The following MARCHF1 variants were observed in gnomAD, a reference collection of about 807,000 sequenced individuals.
The protein encoded by MARCHF1 is E3 ubiquitin-protein ligase MARCHF1.
MARCHF1 carries 40 observed loss-of-function variants against 54.2 expected under a neutral mutation model. The ratio of observed to expected loss-of-function variants is 0.74; its 90% CI spans 0.57 to 0.96. The LOEUF (loss-of-function observed/expected upper bound fraction) is 0.96, where lower values mean the gene tolerates loss of function less well. MARCHF1 is among the 40% of genes least tolerant of loss of function. The pLI, the probability that MARCHF1 is intolerant of heterozygous loss-of-function variation, is 0.00. For missense variants in MARCHF1, 586 were observed against 656.5 expected (o/e 0.89, Z 1.17); for synonymous variants, 236 against 236.3 (o/e 1.00, Z 0.01).
intron 5 of MARCHF1, among the ~76,000 whole-genome samples, chr4:163,667,330 C>G (rs1289079019): frequency 6.6e-6 from 1 of 152,046 alleles, no homozygotes; most frequent in Non-Finnish European, 1.5e-5. Context: ...GTGAAAAGCA[C>G]CACATTTTTA....
rs116334157 is a variant in MARCHF1, at chr4:163,776,776, T to A, written c.112-75913A>T. 7.3e-3 allele frequency among the ~76,000 whole-genome samples: 1,105 copies of A among 152,286 alleles called. 8 individuals carry two copies. The highest frequency in any genetic ancestry group is 0.03 in the South Asian group (147 of 4,824). On this transcript the variant is annotated intron_variant, in intron 4 of 9. Transcript: ENST00000514618. ...ATAAGCAAGACAATATATGAAAGTATCTTGTAAGTATTATCACTGCTGTAG... is the reference window on the plus strand; with the variant it reads ...ATAAGCAAGACAATATATGAAAGTAACTTGTAAGTATTATCACTGCTGTAG...
chr4:163,913,652 G>A (rs192743440), intron 3 of MARCHF1, among the ~76,000 whole-genome samples: 1 of 152,252 alleles, frequency 6.6e-6, no homozygotes, highest in Admixed American at 6.6e-5. Context: ...CGTGTAAAGA[G>A]GAAGATAACT....
chr4:163,568,368 A>C (rs946550539), intron 8 of MARCHF1, among the ~76,000 whole-genome samples: 1 of 152,134 alleles, frequency 6.6e-6, no homozygotes, highest in Non-Finnish European at 1.5e-5. Context: ...ATTGAAATCA[A>C]CTTAAGCTGG....
intron 4 of MARCHF1, among the ~76,000 whole-genome samples, chr4:163,817,526 TACTAC>T (rs1748574831): frequency 6.6e-6 from 1 of 151,704 alleles, no homozygotes; most frequent in South Asian, 2.1e-4. Context: ...GTACAATTGT[TACTAC>T]ACTATGTTTC....
chr4:163,598,631 A>T (rs1257110682), intron 7 of MARCHF1, among the ~76,000 whole-genome samples: 1 of 152,228 alleles, frequency 6.6e-6, no homozygotes, highest in Admixed American at 6.5e-5. Context: ...TACAGTAATG[A>T]TATGTCTAAA....
chr4:164,340,917 A>AG lies in MARCHF1; in HGVS notation c.-323+42952_-323+42953insC, dbSNP rs1491437583. ...TACCAAAGACAGCTGAGGGCACTAC[A>AG]AAAAAAAAAAAAAAAAAGTTACAGG... On this transcript the variant is annotated intron_variant, in intron 1 of 9. Transcript: ENST00000514618. 1.6e-4 allele frequency among the ~76,000 whole-genome samples: 9 copies of AG among 57,974 alleles called. 1 individual carries two copies. Among genetic ancestry groups the AG allele is most frequent in the Admixed American group, 1.2e-3 (5 of 4,258 alleles). The allele number at this position is 57,974 out of a possible 152,430, so 38.0% of individuals were successfully genotyped here.
In MARCHF1 at chr4:164,312,224, G is replaced by C. The variant is rs558646845; in HGVS notation, c.-323+71646C>G. 4.6e-4 allele frequency among the ~76,000 whole-genome samples: 70 copies of C among 152,010 alleles called. 1 individual carries two copies. The South Asian group carries it at 8.9e-3, about 19-fold the overall frequency. On this transcript the variant is annotated intron_variant, in intron 1 of 9. Coordinates refer to ENST00000514618, the MANE Select transcript of MARCHF1 (RefSeq NM_001394959.1). ...CCCAGAAGCTTCATGACAATGAATA[G>C]GTCACATTTGGGATGTTTTGCTAGA...
In MARCHF1 at chr4:164,361,061, C is replaced by T. The variant is rs1730709514; in HGVS notation, c.-323+22809G>A. 3.3e-5 allele frequency among the ~76,000 whole-genome samples: 5 copies of T among 151,754 alleles called. No homozygotes were observed. In the South Asian group the frequency reaches 8.4e-4, roughly 25 times the overall value. On this transcript the variant is annotated intron_variant, in intron 1 of 9. Transcript: ENST00000514618. ...GGTCTAGGGTCATTATGGTACAGTG[C>T]TGTGTATCATAACACTGGTCTTGAT... is the stretch of plus-strand genomic sequence containing the variant.
chr4:164,091,037 C>T (rs1296281377), intron 2 of MARCHF1, among the ~76,000 whole-genome samples: 3 of 152,048 alleles, frequency 2.0e-5, no homozygotes, highest in African/African-American at 7.2e-5. Flanking sequence ...CCTCAATCTG[C>T]ACTTGTTCTG....
chr4:164,026,085 A>G (rs1250914022), intron 2 of MARCHF1, among the ~76,000 whole-genome samples: 1 of 151,976 alleles, frequency 6.6e-6, no homozygotes, highest in Non-Finnish European at 1.5e-5. Context: ...AATAAAAAGA[A>G]ACCTGATAAC....
chr4:163,905,222 G>A (rs542393705), intron 3 of MARCHF1, among the ~76,000 whole-genome samples: 2 of 152,076 alleles, frequency 1.3e-5, no homozygotes, highest in South Asian at 4.2e-4. Context: ...GACAAAAAGT[G>A]AAGAAAATTA....
chr4:164,133,219 A>G (rs1221884366), intron 1 of MARCHF1, among the ~76,000 whole-genome samples: 1 of 152,188 alleles, frequency 6.6e-6, no homozygotes, highest in Non-Finnish European at 1.5e-5. Context: ...GTGCTCCCAT[A>G]CAGGTGGTAA....
At chr4:164,120,673 A>G (rs1232601307) in intron 1 of MARCHF1, among the ~76,000 whole-genome samples, 1 of 152,186 alleles carries the variant, frequency 6.6e-6, no homozygotes, top group African/African-American at 2.4e-5. Context: ...AATTAATAAC[A>G]GGAGGAATTT....
chr4:164,323,597 CAAAAAAAAAAA>C (rs70952622), intron 1 of MARCHF1, among the ~76,000 whole-genome samples: 1 of 30,928 alleles, frequency 3.2e-5, no homozygotes, highest in African/African-American at 1.6e-4. Flanking sequence ...GGATGAGTAG[CAAAAAAAAAAA>C]AAAAAAAAAA....
At chr4:163,652,765 T>G (rs933930019) in intron 5 of MARCHF1, among the ~76,000 whole-genome samples, 2 of 151,854 alleles carry the variant, frequency 1.3e-5, no homozygotes, top group Admixed American at 1.3e-4. Context: ...CTGGGTGACC[T>G]CATTTGTATG....
At chr4:163,955,013 T>C (rs1752203874) in intron 3 of MARCHF1, among the ~76,000 whole-genome samples, 1 of 152,052 alleles carries the variant, frequency 6.6e-6, no homozygotes, top group African/African-American at 2.4e-5. Flanking sequence ...AGCAACATTC[T>C]TTGTGTTCCT....
intron 4 of MARCHF1, among the ~76,000 whole-genome samples, chr4:163,771,272 C>T (rs1747152822): frequency 1.3e-5 from 2 of 152,280 alleles, no homozygotes; most frequent in Non-Finnish European, 1.5e-5. Context: ...GTACGGGACA[C>T]AGCTTTCCAC....
At chr4:164,130,273 T>C (rs1169512875) in intron 1 of MARCHF1, among the ~76,000 whole-genome samples, 1 of 152,172 alleles carries the variant, frequency 6.6e-6, no homozygotes, top group Non-Finnish European at 1.5e-5. Flanking sequence ...AACACATTTT[T>C]CAAAATAATT....
At chr4:164,212,839 G>A (rs1008277929) in intron 1 of MARCHF1, among the ~76,000 whole-genome samples, 1 of 152,054 alleles carries the variant, frequency 6.6e-6, no homozygotes, top group Non-Finnish European at 1.5e-5. Flanking sequence ...AGTGAAAAAC[G>A]AGGCCCACCA....
Sources: gnomAD v4.1 joint callset for allele counts (sites outside exome capture counted in the v4.1 genomes callset) on GRCh38, gnomAD v4.1.1 for gene constraint, MANE v1.5 for transcripts, NCBI Gene and HGNC (gene_info 2026-07-23, HGNC 2026-07-21) for gene names.